C5: variants seen among roughly 807,000 people sequenced by gnomAD.
C5 encodes complement C5.
C5 carries 140 observed loss-of-function variants against 218.8 expected under a neutral mutation model. The ratio of observed to expected loss-of-function variants is 0.64; its 90% confidence interval spans 0.56 to 0.74. The LOEUF is 0.74. Among genes scored for constraint, C5 ranks in the 30% least tolerant of loss-of-function variants. The probability of loss-of-function intolerance (pLI) is 0.00; values close to 1 mark genes in which losing one functional copy is unlikely to be tolerated. For synonymous variants in C5, 614 were observed against 682.3 expected, an observed-to-expected ratio of 0.90 and a Z score of 1.56; for missense variants, 1,700 against 1,969.6, an observed-to-expected ratio of 0.86 and a Z score of 2.59.
chr9:120,981,781 G>T (rs2046995467), intron 27 of C5, 63 bp downstream of exon 27: 3 of 1,060,072 alleles, frequency 2.8e-6, no homozygotes, highest in Non-Finnish European at 4.4e-6. Context: ...CTGATTGGTG[G>T]CCCCTCCAGT....
the C5 span, among the ~76,000 whole-genome samples, chr9:121,062,835 T>G: frequency 3.3e-5 from 5 of 152,312 alleles, no homozygotes; most frequent in South Asian, 8.3e-4. Flanking sequence ...AAATCAGCTG[T>G]TAATTTTACT....
At chr9:121,043,241 T>C (rs998166497) in intron 2 of C5, 75 bp from the exon 3 acceptor site, 2 of 1,142,200 alleles carry the variant, frequency 1.8e-6, no homozygotes, top group African/African-American at 3.1e-5. Context: ...TAAATACAAC[T>C]GTAATCTCAT....
intron 37 of C5, 129 bp from the exon 38 acceptor site, chr9:120,960,466 G>A (rs1402498896): frequency 1.5e-6 from 1 of 664,868 alleles, no homozygotes; most frequent in Non-Finnish European, 2.7e-6. Flanking sequence ...AGATTTCTAA[G>A]ACCTGCCCAT....
intron 39 of C5, 94 bp downstream of exon 39, chr9:120,957,191 G>T: frequency 1.2e-6 from 1 of 861,706 alleles, no homozygotes; most frequent in Non-Finnish European, 2.0e-6. Flanking sequence ...TGTCTTATTT[G>T]AGTTGTATCT....
the C5 span, among the ~76,000 whole-genome samples, chr9:121,065,144 C>A: frequency 1.3e-5 from 2 of 151,916 alleles, no homozygotes; most frequent in Non-Finnish European, 2.9e-5. Context: ...CTAAAGAAAT[C>A]AGAATTAGCT....
At chr9:121,064,818 G>T in the C5 span, among the ~76,000 whole-genome samples, 1 of 152,238 alleles carries the variant, frequency 6.6e-6, no homozygotes, top group Admixed American at 6.5e-5. Context: ...CCCAGCTGAG[G>T]ATTTGGGAGG....
intron 36 of C5, 58 bp from the exon 37 acceptor site, chr9:120,961,623 C>G: frequency 7.4e-6 from 8 of 1,087,092 alleles, no homozygotes; most frequent in Non-Finnish European, 1.1e-5. Context: ...AACACATTTA[C>G]TAATTGGCAA....
chr9:121,066,366 C>A, the C5 span, among the ~76,000 whole-genome samples: 2 of 137,624 alleles, frequency 1.5e-5, no homozygotes, highest in African/African-American at 2.7e-5. Context: ...TATAGAAAGA[C>A]TGAAAATTAA....
the C5 span, among the ~76,000 whole-genome samples, chr9:121,071,607 T>C: frequency 2.6e-5 from 4 of 151,888 alleles, no homozygotes. Context: ...ATCACTTGAG[T>C]CTGAGAAGTC....
chr9:120,992,888 A>G (rs1181086665), intron 22 of C5, among the ~76,000 whole-genome samples: 1 of 152,258 alleles, frequency 6.6e-6, no homozygotes, highest in Admixed American at 6.5e-5. Context: ...CAGAATAAAT[A>G]ATTCCTTTTC....
chr9:121,069,281 G>C, the C5 span, among the ~76,000 whole-genome samples: 5 of 152,068 alleles, frequency 3.3e-5, no homozygotes, highest in Admixed American at 3.3e-4. Context: ...GAATACACAC[G>C]GAACTCAAAC....
intron 34 of C5, among the ~76,000 whole-genome samples, 195 bp downstream of exon 34, chr9:120,963,441 G>A (rs568117957): frequency 4.6e-5 from 7 of 151,872 alleles, no homozygotes; most frequent in African/African-American, 7.3e-5. Context: ...CGAGAGGTGC[G>A]GTTGCAATGA....
In C5 at chr9:120,952,859, G is replaced by A. The variant is rs1317875391; in HGVS notation, c.4911C>T (p.Tyr1637=). ...IKYNFSFRYI[Y]PLDSLTWIEY... ...CAATCCAGGTCAAGGAATCTAAAGGGTAGATGTACCTACCAAGAAACAAAG... is the reference window on the plus strand; with the variant it reads ...CAATCCAGGTCAAGGAATCTAAAGGATAGATGTACCTACCAAGAAACAAAG... The change falls in exon 41 of 41, where the codon TAC becomes TAT. Residue 1637 remains tyrosine (Y), a synonymous_variant. Coordinates refer to ENST00000223642, the MANE Select transcript of C5 (RefSeq NM_001735.3). The A allele has an allele frequency of 6.2e-7, 1 of 1,613,754 alleles. No homozygotes were observed. The highest frequency in any genetic ancestry group is 2.2e-5 in the East Asian group (1 of 44,876).
chr9:120,963,605 T>C (rs758764388), intron 34 of C5, 31 bp downstream of exon 34: 2 of 1,446,310 alleles, frequency 1.4e-6, no homozygotes, highest in East Asian at 4.5e-5. Flanking sequence ...AAATGAAGCA[T>C]TCACAACACG....
At chr9:121,060,954 G>A in the C5 span, among the ~76,000 whole-genome samples, 4 of 152,088 alleles carry the variant, frequency 2.6e-5, no homozygotes, top group African/African-American at 4.8e-5. Context: ...TTGGGATGTC[G>A]AGGCAGGCAG....
At chr9:121,057,703 G>C in the C5 span, among the ~76,000 whole-genome samples, 2 of 151,934 alleles carry the variant, frequency 1.3e-5, no homozygotes, top group East Asian at 3.9e-4. Context: ...AAGATGGGAA[G>C]GAAGAAAGGA....
At chr9:120,977,314 A>C (rs1019864651) in intron 28 of C5, among the ~76,000 whole-genome samples, 8 of 152,190 alleles carry the variant, frequency 5.3e-5, no homozygotes, top group Non-Finnish European at 1.0e-4. Context: ...ACATAAATGA[A>C]TTTCATGTTT....
the C5 span, among the ~76,000 whole-genome samples, chr9:121,064,227 A>G: frequency 6.6e-6 from 1 of 151,552 alleles, no homozygotes; most frequent in African/African-American, 2.4e-5. Flanking sequence ...TTGAGATTTT[A>G]TGTTTTTCAA....
At chr9:120,967,259 CAAAAA>C (rs755173508) in intron 33 of C5, among the ~76,000 whole-genome samples, 1 of 74,022 alleles carries the variant, frequency 1.4e-5, no homozygotes. Flanking sequence ...AACTCCATCT[CAAAAA>C]AAAAAAAAAA....
Sources: allele counts gnomAD v4.1 joint callset (sites outside exome capture counted in the v4.1 genomes callset), GRCh38; gene constraint gnomAD v4.1.1; transcripts MANE v1.5; gene names NCBI Gene and HGNC (gene_info 2026-07-23, HGNC 2026-07-21).